ALCAM: variants seen among roughly 807,000 people sequenced by gnomAD.
The protein encoded by ALCAM is CD166 antigen.
Under a neutral mutation model 70.9 loss-of-function variants are expected in ALCAM, and 30 were observed. That is an observed-to-expected ratio of 0.42 (90% CI 0.32 to 0.57). The LOEUF (loss-of-function observed/expected upper bound fraction) is 0.57. ALCAM is among the 20% of genes least tolerant of loss of function. The pLI, the probability that ALCAM is intolerant of heterozygous loss-of-function variation, is 0.11. For synonymous variants in ALCAM, 249 were observed against 242.5 expected (o/e 1.03, Z -0.25); for missense variants, 591 against 695.1 (o/e 0.85, Z 1.68).
At chr3:105,376,662 A>T (rs1265076367) in intron 1 of ALCAM, among the ~76,000 whole-genome samples, 1 of 152,224 alleles carries the variant, frequency 6.6e-6, no homozygotes, top group Non-Finnish European at 1.5e-5. Flanking sequence ...ATTTTGGTAA[A>T]TGTCACAAGA....
intron 1 of ALCAM, among the ~76,000 whole-genome samples, chr3:105,370,973 T>C (rs567873556): frequency 1.3e-4 from 20 of 152,308 alleles, no homozygotes; most frequent in African/African-American, 4.6e-4. Context: ...AAAAGTTGAT[T>C]TGCAACATGG....
chr3:105,383,438 A>G (rs902800814), intron 1 of ALCAM, among the ~76,000 whole-genome samples: 3 of 151,854 alleles, frequency 2.0e-5, no homozygotes, highest in African/African-American at 4.8e-5. Flanking sequence ...ATACATGACA[A>G]TTGAATAAAG....
intron 1 of ALCAM, among the ~76,000 whole-genome samples, chr3:105,511,705 A>T (rs1281441678): frequency 6.6e-6 from 1 of 152,038 alleles, no homozygotes; most frequent in African/African-American, 2.4e-5. Flanking sequence ...CTATATCCTC[A>T]GGAGACATAG....
chr3:105,528,739 G>C (rs987782475), intron 3 of ALCAM, among the ~76,000 whole-genome samples: 1 of 152,038 alleles, frequency 6.6e-6, no homozygotes, highest in Non-Finnish European at 1.5e-5. Context: ...GAGGGAGGAG[G>C]GTAGGAAGAG....
Position 105,442,452 on chromosome 3 carries a change from A to C in ALCAM, c.73+74971A>C, listed in dbSNP as rs1448751009. 2.6e-5 allele frequency among the ~76,000 whole-genome samples: 4 copies of C among 152,214 alleles called. No homozygotes were observed. In the South Asian group the frequency reaches 8.3e-4, roughly 31 times the overall value. ...AAATATCAAATATTTGAGAGAAAAA[A>C]AGATTTTTAAAAAGAGCGAGAGTTA... On this transcript the variant is annotated intron_variant, in intron 1 of 15. Transcript: ENST00000306107.
At chr3:105,512,140 G>A (rs560197749) in intron 1 of ALCAM, among the ~76,000 whole-genome samples, 1 of 152,098 alleles carries the variant, frequency 6.6e-6, no homozygotes, top group African/African-American at 2.4e-5. Flanking sequence ...TGGTTTTGGA[G>A]TTTGGTAGTG....
chr3:105,557,567 A>G (rs1286827948), intron 14 of ALCAM, among the ~76,000 whole-genome samples: 3 of 152,256 alleles, frequency 2.0e-5, no homozygotes, highest in Non-Finnish European at 4.4e-5. Flanking sequence ...TATATTTTCC[A>G]AAGGCTAAGG....
chr3:105,541,798 C>T, intron 8 of ALCAM, 33 bp downstream of exon 8: 1 of 1,609,242 alleles, frequency 6.2e-7, no homozygotes, highest in Non-Finnish European at 8.5e-7. Context: ...AGCAGCTTCA[C>T]CTCAAAGGCT....
chr3:105,548,301 A>T (rs760479533), intron 11 of ALCAM, among the ~76,000 whole-genome samples: 3 of 151,288 alleles, frequency 2.0e-5, no homozygotes, highest in Non-Finnish European at 3.0e-5. Flanking sequence ...GGTTGCTGAC[A>T]TACTTGCTAA....
chr3:105,454,001 T>C (rs1219591009), intron 1 of ALCAM, among the ~76,000 whole-genome samples: 1 of 152,212 alleles, frequency 6.6e-6, no homozygotes, highest in Non-Finnish European at 1.5e-5. Flanking sequence ...TTTTATTCAA[T>C]TTTGTGTTCA....
At chr3:105,466,371 A>C (rs1937733236) in intron 1 of ALCAM, among the ~76,000 whole-genome samples, 2 of 151,472 alleles carry the variant, frequency 1.3e-5, no homozygotes, top group African/African-American at 4.8e-5. Flanking sequence ...GATCAGGCAA[A>C]AGCATTCTTT....
Position 105,575,363 on chromosome 3 carries a change from A to G in ALCAM, c.*912A>G, listed in dbSNP as rs929284925. On this transcript the variant is annotated 3_prime_UTR_variant, in exon 16 of 16. Coordinates refer to ENST00000306107, the MANE Select transcript of ALCAM (RefSeq NM_001627.4). ...TTGGGTTATCCACTGCCTTAAAATT[A>G]TACCTATTTCATGTTTAAAAAGATA... The G allele has an allele frequency of 6.5e-6, 1 of 152,712 alleles. No homozygotes were observed. The highest frequency in any genetic ancestry group is 6.5e-5 in the Admixed American group (1 of 15,292). The allele number at this position is 152,712 out of a possible 1,614,324, so 9.5% of individuals were successfully genotyped here.
At chr3:105,433,064 T>C (rs144114960) in intron 1 of ALCAM, among the ~76,000 whole-genome samples, 125 of 152,284 alleles carry the variant, frequency 8.2e-4, no homozygotes, top group African/African-American at 2.8e-3. Context: ...CATTAAACTT[T>C]AGCATAAATA....
At chr3:105,544,941 C>T (rs536208000) in intron 8 of ALCAM, 71 of 354,406 alleles carry the variant, frequency 2.0e-4, no homozygotes, top group African/African-American at 1.5e-3. Context: ...GTGATAGGCC[C>T]TAGGGGAATA....
chr3:105,395,367 G>A (rs1935924316), intron 1 of ALCAM, among the ~76,000 whole-genome samples: 1 of 151,856 alleles, frequency 6.6e-6, no homozygotes, highest in African/African-American at 2.4e-5. Context: ...TTTGTCCTTG[G>A]AGAGTACACA....
intron 1 of ALCAM, among the ~76,000 whole-genome samples, chr3:105,395,280 A>T (rs939457774): frequency 2.0e-5 from 3 of 151,974 alleles, no homozygotes; most frequent in African/African-American, 7.2e-5. Flanking sequence ...ACAATCTTCA[A>T]TGCAACTTTT....
In ALCAM at chr3:105,366,970, C is replaced by T. The variant is rs907902630; in HGVS notation, c.-439C>T. On this transcript the variant is annotated 5_prime_UTR_variant, in exon 1 of 16. Coordinates refer to ENST00000306107, the MANE Select transcript of ALCAM (RefSeq NM_001627.4). ...CTACCACCGCTGCCACCTGAGGAGACCCGCCGCCCCCCCGTCGCCGCCTCC... is the reference window on the plus strand; with the variant it reads ...CTACCACCGCTGCCACCTGAGGAGATCCGCCGCCCCCCCGTCGCCGCCTCC... The T allele has an allele frequency of 5.4e-5, 9 of 165,432 alleles. No homozygotes were observed. Among genetic ancestry groups the T allele is most frequent in the Non-Finnish European group, 1.2e-4 (9 of 75,650 alleles). The allele number at this position is 165,432 out of a possible 1,614,324, so 10.2% of individuals were successfully genotyped here.
intron 1 of ALCAM, among the ~76,000 whole-genome samples, chr3:105,473,620 A>T (rs77876308): frequency 0.015 from 2,327 of 151,766 alleles, 22 homozygotes; most frequent in Middle Eastern, 0.048. Context: ...GTGCATGACC[A>T]TAAACCTCAG....
rs149994784 is a variant in ALCAM at position 105,376,956 on chromosome 3, C to G, written c.73+9475C>G. ...TTCCTTGAAGTTGTTCAAATACTTT[C>G]CTGCAATCTCCCTAATTGACTTGCC... On this transcript the variant is annotated intron_variant, in intron 1 of 15. Coordinates refer to ENST00000306107, the MANE Select transcript of ALCAM (RefSeq NM_001627.4). Among the ~76,000 whole-genome samples, 82 of 152,238 alleles carry G rather than the reference C, an allele frequency of 5.4e-4. No homozygotes were observed. In the East Asian group the frequency reaches 0.011, roughly 20 times the overall value.
Sources: allele counts gnomAD v4.1 joint callset (sites outside exome capture counted in the v4.1 genomes callset), GRCh38; gene constraint gnomAD v4.1.1; transcripts MANE v1.5; gene names NCBI Gene and HGNC (gene_info 2026-07-23, HGNC 2026-07-21).